Variants in GABRA2 observed in about 807,000 individuals in gnomAD.
The protein encoded by GABRA2 is gamma-aminobutyric acid type A receptor subunit alpha2.
GABRA2 carries 16 observed loss-of-function variants against 48.7 expected under a neutral mutation model. The observed-to-expected ratio is 0.33, with a 90% CI of 0.22 to 0.50. The LOEUF (loss-of-function observed/expected upper bound fraction) is 0.50, where lower values mean the gene tolerates loss of function less well. Among genes scored for constraint, GABRA2 ranks in the 20% least tolerant of loss-of-function variants. GABRA2 has a pLI of 0.98. For missense variants in GABRA2, 275 were observed against 535.6 expected, an observed-to-expected ratio of 0.51 and a Z score of 4.80; for synonymous variants, 185 against 184.5, an observed-to-expected ratio of 1.00 and a Z score of -0.02.
intron 3 of GABRA2, among the ~76,000 whole-genome samples, chr4:46,371,282 C>T (rs1714851412): frequency 6.6e-6 from 1 of 152,072 alleles, no homozygotes; most frequent in African/African-American, 2.4e-5. Flanking sequence ...TCCCTTTTAT[C>T]TCTCCAAAGG....
chr4:46,375,898 A>G lies in GABRA2; in HGVS notation c.187+10176T>C, dbSNP rs540469344. On this transcript the variant is annotated intron_variant, in intron 3 of 9. Transcript: ENST00000381620. ...TTAGTAAGAAACAGTTGAATGAATG[A>G]GCTATACTTACAGCTACAAAACTTG... Among the ~76,000 whole-genome samples the G allele has an allele frequency of 2.2e-4, 33 of 152,346 alleles. No individual in the cohort carries two copies. In the East Asian group the frequency reaches 6.2e-3, roughly 28 times the overall value.
chr4:46,245,272 A>C lies in GABRA2; in HGVS notation c.*5036T>G, dbSNP rs1713514011. Among the ~76,000 whole-genome samples the C allele has an allele frequency of 6.6e-6, 1 of 151,350 alleles. No individual in the cohort carries two copies. The highest frequency in any genetic ancestry group is 1.5e-5 in the Non-Finnish European group (1 of 67,504). On this transcript the variant is annotated 3_prime_UTR_variant, in exon 10 of 10. Transcript: ENST00000381620. ...CAATTCAAAAAGTAAGGTATGAAACAAATCAGTAATGAATATACATAACTT... is the reference window on the plus strand; with the variant it reads ...CAATTCAAAAAGTAAGGTATGAAACCAATCAGTAATGAATATACATAACTT...
chr4:46,264,999 A>ATATATATATATATATATATATATATATG (rs1337931857), intron 8 of GABRA2, among the ~76,000 whole-genome samples: 1 of 141,548 alleles, frequency 7.1e-6, no homozygotes, highest in Non-Finnish European at 1.5e-5. Flanking sequence ...ATATATATAT[A>ATATATATATATATATATATATATATATG]TATGTATAAA....
intron 8 of GABRA2, among the ~76,000 whole-genome samples, chr4:46,284,256 A>G (rs1046637531): frequency 1.3e-5 from 2 of 152,224 alleles, no homozygotes; most frequent in African/African-American, 2.4e-5. Context: ...TTCAGAAGCC[A>G]TAACTTCACA....
intron 3 of GABRA2, among the ~76,000 whole-genome samples, chr4:46,354,276 T>A (rs1260065205): frequency 6.6e-6 from 1 of 152,160 alleles, no homozygotes; most frequent in Admixed American, 6.6e-5. Flanking sequence ...TTAACTGCTG[T>A]GACATGTTGA....
At chr4:46,330,453 G>A (rs1337666994) in intron 4 of GABRA2, among the ~76,000 whole-genome samples, 1 of 151,532 alleles carries the variant, frequency 6.6e-6, no homozygotes, top group Non-Finnish European at 1.5e-5. Flanking sequence ...GAAAACAAAG[G>A]TCTGTGTACA....
chr4:46,289,737 G>T (rs1019325446), intron 8 of GABRA2, among the ~76,000 whole-genome samples: 1 of 151,888 alleles, frequency 6.6e-6, no homozygotes, highest in Non-Finnish European at 1.5e-5. Flanking sequence ...TCAATTGTCC[G>T]TACATGTTTG....
intron 8 of GABRA2, among the ~76,000 whole-genome samples, chr4:46,266,066 T>C (rs1343048773): frequency 6.6e-6 from 1 of 151,814 alleles, no homozygotes; most frequent in Non-Finnish European, 1.5e-5. Context: ...TATTGAGACT[T>C]GTTTAATGGC....
rs990071085 is a variant in GABRA2, at chr4:46,244,714, G to T, written c.*5594C>A. Among the ~76,000 whole-genome samples, 2 of 151,300 alleles carry T rather than the reference G, an allele frequency of 1.3e-5. No individual in the cohort carries two copies. The highest frequency in any genetic ancestry group is 4.8e-5 in the African/African-American group (2 of 41,320). ...AGAAAAAAAAGGAAATGAAGGAAGTGCTTACTTTTGCTTAATCAACATTAA... is the reference window on the plus strand; with the variant it reads ...AGAAAAAAAAGGAAATGAAGGAAGTTCTTACTTTTGCTTAATCAACATTAA... On this transcript the variant is annotated 3_prime_UTR_variant, in exon 10 of 10. Coordinates refer to ENST00000381620, the MANE Select transcript of GABRA2 (RefSeq NM_000807.4).
chr4:46,267,203 G>T (rs1442066594), intron 8 of GABRA2, among the ~76,000 whole-genome samples: 1 of 151,980 alleles, frequency 6.6e-6, no homozygotes, highest in African/African-American at 2.4e-5. Context: ...TGAGGTAACT[G>T]ATTTTTCTTT....
At chr4:46,259,901 C>T (rs563743161) in intron 9 of GABRA2, among the ~76,000 whole-genome samples, 3 of 151,904 alleles carry the variant, frequency 2.0e-5, no homozygotes, top group Admixed American at 6.6e-5. Context: ...CTTTAGGGCA[C>T]TCTTCTAGAT....
intron 4 of GABRA2, among the ~76,000 whole-genome samples, chr4:46,326,145 C>A (rs564806858): frequency 6.6e-6 from 1 of 151,822 alleles, no homozygotes; most frequent in Admixed American, 6.6e-5. Context: ...AGGAATAAAT[C>A]TTATTTAGTT....
chr4:46,320,078 A>G (rs970879286), intron 4 of GABRA2, among the ~76,000 whole-genome samples: 2 of 151,876 alleles, frequency 1.3e-5, no homozygotes, highest in African/African-American at 4.8e-5. Flanking sequence ...GAATATCAGA[A>G]TAAAATTTCC....
chr4:46,360,702 T>C (rs1403119445), intron 3 of GABRA2, among the ~76,000 whole-genome samples: 7 of 152,146 alleles, frequency 4.6e-5, no homozygotes, highest in Non-Finnish European at 7.3e-5. Flanking sequence ...CTGGAAGAGT[T>C]TGAAGGGCTC....
chr4:46,323,619 T>C (rs1455923536), intron 4 of GABRA2, among the ~76,000 whole-genome samples: 1 of 151,876 alleles, frequency 6.6e-6, no homozygotes. Context: ...AGTGTATACT[T>C]AGGAAATCTC....
intron 3 of GABRA2, among the ~76,000 whole-genome samples, chr4:46,333,093 T>C (rs1443975263): frequency 1.3e-5 from 2 of 152,154 alleles, no homozygotes; most frequent in South Asian, 2.1e-4. Context: ...CTCGTGATAG[T>C]AGAGACTCAA....
chr4:46,335,413 A>G (rs992278152), intron 3 of GABRA2, among the ~76,000 whole-genome samples: 1 of 152,100 alleles, frequency 6.6e-6, no homozygotes, highest in African/African-American at 2.4e-5. Context: ...TCTGGTGGCA[A>G]CCTGAGTCTC....
At chr4:46,288,180 A>T (rs375956234) in intron 8 of GABRA2, among the ~76,000 whole-genome samples, 17 of 152,318 alleles carry the variant, frequency 1.1e-4, no homozygotes, top group African/African-American at 4.1e-4. Context: ...ACACAGCCAA[A>T]CCATATCAAC....
At chr4:46,272,003 A>T (rs572448943) in intron 8 of GABRA2, among the ~76,000 whole-genome samples, 1 of 151,970 alleles carries the variant, frequency 6.6e-6, no homozygotes, top group East Asian at 1.9e-4. Flanking sequence ...TACTTAATAA[A>T]TTATTATTAA....
Sources: allele counts gnomAD v4.1 joint callset (sites outside exome capture counted in the v4.1 genomes callset), GRCh38; gene constraint gnomAD v4.1.1; transcripts MANE v1.5; gene names NCBI Gene and HGNC (gene_info 2026-07-23, HGNC 2026-07-21).